The following SUGCT variants were observed in gnomAD, a reference collection of about 807,000 sequenced individuals.
The protein encoded by SUGCT is succinyl-CoA:glutarate-CoA transferase.
A neutral mutation model predicts 55.0 loss-of-function variants in SUGCT; 41 were observed. That is an observed-to-expected ratio of 0.74 (90% CI 0.58 to 0.97). The LOEUF (loss-of-function observed/expected upper bound fraction) is 0.97. Ranked by LOEUF, SUGCT falls within the 50% of genes least tolerant of loss-of-function variation. The probability of loss-of-function intolerance (pLI) is 0.00; values close to 1 mark genes in which losing one functional copy is unlikely to be tolerated. For missense variants in SUGCT, 568 were observed against 547.8 expected (o/e 1.04, Z -0.37); for synonymous variants, 187 against 200.4 (o/e 0.93, Z 0.56).
At chr7:40,921,755 C>G in the SUGCT span, among the ~76,000 whole-genome samples, 4 of 152,170 alleles carry the variant, frequency 2.6e-5, no homozygotes, top group Admixed American at 6.5e-5. Flanking sequence ...TCGTGGGCCT[C>G]AGCTCGAAAG....
At chr7:40,616,803 G>T (rs1799027193) in intron 12 of SUGCT, among the ~76,000 whole-genome samples, 1 of 152,188 alleles carries the variant, frequency 6.6e-6, no homozygotes, top group East Asian at 1.9e-4. Flanking sequence ...GGGGAATGGA[G>T]GCCTCAAGTA....
At chr7:40,993,285 T>C in the SUGCT span, among the ~76,000 whole-genome samples, 27 of 152,220 alleles carry the variant, frequency 1.8e-4, no homozygotes, top group African/African-American at 5.8e-4. Flanking sequence ...CAATCCTAGA[T>C]GTGTTCAGTG....
At chr7:41,026,208 C>T in the SUGCT span, among the ~76,000 whole-genome samples, 3 of 152,158 alleles carry the variant, frequency 2.0e-5, no homozygotes, top group Non-Finnish European at 4.4e-5. Context: ...TTGCACTGGG[C>T]CTCCCATATT....
At chr7:40,417,830 CTG>C (rs561929445) in intron 9 of SUGCT, among the ~76,000 whole-genome samples, 205 of 151,894 alleles carry the variant, frequency 1.3e-3, no homozygotes, top group African/African-American at 4.8e-3. Context: ...TTGTCGATGA[CTG>C]TTTTATTTGT....
At chr7:40,918,707 G>A in the SUGCT span, among the ~76,000 whole-genome samples, 1 of 152,090 alleles carries the variant, frequency 6.6e-6, no homozygotes, top group Non-Finnish European at 1.5e-5. Flanking sequence ...AGGGGAGAGA[G>A]AATGTATTCC....
At chr7:40,392,132 C>T (rs546344953) in intron 9 of SUGCT, among the ~76,000 whole-genome samples, 140 of 151,976 alleles carry the variant, frequency 9.2e-4, no homozygotes, top group Middle Eastern at 3.4e-3. Context: ...CGGGGCCTGT[C>T]GTGGAGTGGG....
intron 13 of SUGCT, among the ~76,000 whole-genome samples, chr7:40,799,018 G>A (rs1291195528): frequency 1.3e-5 from 2 of 152,164 alleles, no homozygotes; most frequent in African/African-American, 4.8e-5. Flanking sequence ...GACTTAACGG[G>A]TGAATCACTT....
At chr7:40,707,251 A>T (rs1426506805) in intron 12 of SUGCT, among the ~76,000 whole-genome samples, 2 of 150,552 alleles carry the variant, frequency 1.3e-5, no homozygotes, top group African/African-American at 4.9e-5. Context: ...TTTTTTTTTA[A>T]AAAGGCAGAA....
chr7:40,696,061 C>T (rs1031595776), intron 12 of SUGCT, among the ~76,000 whole-genome samples: 2 of 152,140 alleles, frequency 1.3e-5, no homozygotes, highest in African/African-American at 2.4e-5. Flanking sequence ...GTTCTTTTCC[C>T]GTTTCTGTCT....
At chr7:40,491,482 G>A (rs78619948) in intron 11 of SUGCT, among the ~76,000 whole-genome samples, 4,300 of 152,148 alleles carry the variant, frequency 0.028, 146 homozygotes, top group African/African-American at 0.074. Flanking sequence ...AAAATCTTCC[G>A]TGGTCATGAT....
At chr7:40,388,022 G>C (rs1785218210) in intron 9 of SUGCT, 1 of 152,136 alleles carries the variant, frequency 6.6e-6, no homozygotes, top group African/African-American at 2.4e-5. Context: ...AGACGCTTGG[G>C]CTGACCTAAT....
At chr7:40,668,534 C>G (rs989580993) in intron 12 of SUGCT, among the ~76,000 whole-genome samples, 6 of 152,150 alleles carry the variant, frequency 3.9e-5, no homozygotes, top group Non-Finnish European at 7.3e-5. Flanking sequence ...GTACTTTTCT[C>G]TATTCCTTCT....
At chr7:40,147,962 G>A (rs937939940) in intron 1 of SUGCT, among the ~76,000 whole-genome samples, 1 of 152,272 alleles carries the variant, frequency 6.6e-6, no homozygotes, top group South Asian at 2.1e-4. Context: ...CTTGGACAAG[G>A]GAGGGGAAGG....
the SUGCT span, among the ~76,000 whole-genome samples, chr7:40,874,092 TGTGGGTAGTGAAAGAG>T: frequency 8.5e-5 from 13 of 152,170 alleles, no homozygotes; most frequent in African/African-American, 3.1e-4. Context: ...AAAGGAGCCA[TGTGGGTAGTGAAAGAG>T]GGCCATTACA....
At chr7:40,200,356 A>G (rs1434679025) in intron 6 of SUGCT, among the ~76,000 whole-genome samples, 2 of 152,180 alleles carry the variant, frequency 1.3e-5, no homozygotes, top group Non-Finnish European at 2.9e-5. Context: ...ACTATTATGA[A>G]AGAATGAAAT....
chr7:40,184,533 A>G (rs1785390727), intron 3 of SUGCT, among the ~76,000 whole-genome samples: 1 of 150,954 alleles, frequency 6.6e-6, no homozygotes, highest in Non-Finnish European at 1.5e-5. Flanking sequence ...GGGTCTTCCT[A>G]TGTTGCCCAG....
intron 9 of SUGCT, among the ~76,000 whole-genome samples, chr7:40,383,127 T>C (rs1229847495): frequency 1.3e-5 from 2 of 152,070 alleles, no homozygotes; most frequent in African/African-American, 4.8e-5. Context: ...TCTGTGAAAG[T>C]GATGAAGAGT....
rs914750293 is a variant in SUGCT, at chr7:40,704,106, A to G, written c.1090-45328A>G. Among the ~76,000 whole-genome samples, 3 of 152,200 alleles carry G rather than the reference A, an allele frequency of 2.0e-5. No homozygotes were observed. In the East Asian group the frequency reaches 5.8e-4, roughly 29 times the overall value. Reference sequence around the variant, plus strand: ...AGAGCCCTAGAGATTCTTATTGTGAATCTCTTAGTTTAGATGATGCCCATA... The same window carrying G: ...AGAGCCCTAGAGATTCTTATTGTGAGTCTCTTAGTTTAGATGATGCCCATA... On this transcript the variant is annotated intron_variant, in intron 12 of 13. Coordinates refer to ENST00000335693, the MANE Select transcript of SUGCT (RefSeq NM_001193313.2).
intron 1 of SUGCT, among the ~76,000 whole-genome samples, chr7:40,145,855 T>G (rs908274739): frequency 6.6e-6 from 1 of 152,238 alleles, no homozygotes; most frequent in African/African-American, 2.4e-5. Context: ...TAGAGTTTCC[T>G]TATCCCTTAC....
Sources: allele counts gnomAD v4.1 joint callset (sites outside exome capture counted in the v4.1 genomes callset), GRCh38; gene constraint gnomAD v4.1.1; transcripts MANE v1.5; gene names NCBI Gene and HGNC (gene_info 2026-07-23, HGNC 2026-07-21).